Variants in PLEKHM3 observed in about 807,000 individuals in gnomAD.
PLEKHM3 encodes pleckstrin homology domain-containing family M member 3.
A neutral mutation model predicts 81.8 loss-of-function variants in PLEKHM3; 45 were observed. The observed-to-expected ratio is 0.55, with a 90% CI of 0.43 to 0.71. The LOEUF (loss-of-function observed/expected upper bound fraction) is 0.71, where lower values mean the gene tolerates loss of function less well. Ranked by LOEUF, PLEKHM3 falls within the 30% of genes least tolerant of loss-of-function variation. The pLI, the probability that PLEKHM3 is intolerant of heterozygous loss-of-function variation, is 0.00. For synonymous variants in PLEKHM3, 352 were observed against 356.4 expected, an observed-to-expected ratio of 0.99 and a Z score of 0.14; for missense variants, 788 against 924.3, an observed-to-expected ratio of 0.85 and a Z score of 1.91.
rs144815033 is a variant in PLEKHM3, at chr2:207,942,667, G to A, written c.1692+3700C>T. On this transcript the variant is annotated intron_variant, in intron 4 of 7. Coordinates refer to ENST00000427836, the MANE Select transcript of PLEKHM3 (RefSeq NM_001080475.3). ...TGTAATGCCAGCACTTTGGGAGGCC[G>A]AGGAGGGTGGATCACAAGGTCAAGA... 8.8e-3 allele frequency among the ~76,000 whole-genome samples: 1,344 copies of A among 152,240 alleles called. 17 individuals carry two copies. Among genetic ancestry groups the A allele is most frequent in the African/African-American group, 0.031 (1,270 of 41,536 alleles).
At chr2:207,833,148 CCT>C (rs2092298314) in intron 7 of PLEKHM3, among the ~76,000 whole-genome samples, 1 of 151,828 alleles carries the variant, frequency 6.6e-6, no homozygotes, top group East Asian at 1.9e-4. Flanking sequence ...CATTGGCCCC[CCT>C]GAGTACTCAC....
intron 1 of PLEKHM3, among the ~76,000 whole-genome samples, chr2:208,009,233 A>C (rs946595182): frequency 5.9e-5 from 9 of 152,094 alleles, no homozygotes; most frequent in Non-Finnish European, 1.3e-4. Flanking sequence ...ACTGAATGCT[A>C]TTGCTTTTCC....
intron 6 of PLEKHM3, among the ~76,000 whole-genome samples, chr2:207,906,400 G>A (rs1325715492): frequency 6.6e-6 from 1 of 152,136 alleles, no homozygotes; most frequent in African/African-American, 2.4e-5. Context: ...GTGCAAATAG[G>A]TTTCAACTTG....
At chr2:207,836,681 T>C (rs1217823725) in intron 7 of PLEKHM3, among the ~76,000 whole-genome samples, 2 of 152,254 alleles carry the variant, frequency 1.3e-5, no homozygotes, top group Non-Finnish European at 2.9e-5. Flanking sequence ...TTCCAGATTC[T>C]AGCTGCACAC....
chr2:207,998,282 T>C (rs1224832257), intron 2 of PLEKHM3, among the ~76,000 whole-genome samples: 1 of 152,136 alleles, frequency 6.6e-6, no homozygotes, highest in African/African-American at 2.4e-5. Flanking sequence ...GGTGGGAGGA[T>C]TGCTTGAGCC....
At position 207,879,450 on chromosome 2, in the gene PLEKHM3, T is replaced by C. The variant is rs552280215; in HGVS notation, c.1951-18188A>G. Among the ~76,000 whole-genome samples the C allele has an allele frequency of 5.2e-5, 8 of 152,384 alleles. No individual in the cohort carries two copies. In the South Asian group the frequency reaches 1.7e-3, roughly 32 times the overall value. On this transcript the variant is annotated intron_variant, in intron 6 of 7. Transcript: ENST00000427836. ...TCTTGCTTAATTTCTATTCTAGGCC[T>C]TTCCAAGTGCATTCAACCTTTGCAT... is the stretch of plus-strand genomic sequence containing the variant.
At chr2:207,966,845 G>T (rs571945865) in intron 3 of PLEKHM3, among the ~76,000 whole-genome samples, 2 of 152,072 alleles carry the variant, frequency 1.3e-5, no homozygotes, top group East Asian at 3.9e-4. Context: ...GAGCCACCCC[G>T]CACCCAGCCT....
At chr2:208,019,483 G>A (rs1033902485) in intron 1 of PLEKHM3, among the ~76,000 whole-genome samples, 2 of 152,122 alleles carry the variant, frequency 1.3e-5, no homozygotes, top group African/African-American at 4.8e-5. Flanking sequence ...AGTCCTTGAC[G>A]AGGAATCACA....
chr2:207,873,304 T>C (rs760632698), intron 6 of PLEKHM3, among the ~76,000 whole-genome samples: 1 of 152,220 alleles, frequency 6.6e-6, no homozygotes, highest in Non-Finnish European at 1.5e-5. Flanking sequence ...TATTCCCAGC[T>C]ATGTCCCCAG....
chr2:207,935,000 C>T (rs1413133756), intron 4 of PLEKHM3, among the ~76,000 whole-genome samples: 3 of 152,116 alleles, frequency 2.0e-5, no homozygotes, highest in South Asian at 2.1e-4. Context: ...TTGGAGACGA[C>T]ATGGTATTAT....
intron 6 of PLEKHM3, among the ~76,000 whole-genome samples, chr2:207,872,171 G>A (rs1023289700): frequency 6.6e-6 from 1 of 152,154 alleles, no homozygotes; most frequent in Non-Finnish European, 1.5e-5. Context: ...GGCATCTGAG[G>A]TCAGAGTGTA....
At chr2:207,981,357 T>C (rs1691517140) in intron 2 of PLEKHM3, among the ~76,000 whole-genome samples, 2 of 152,138 alleles carry the variant, frequency 1.3e-5, no homozygotes, top group Admixed American at 6.6e-5. Flanking sequence ...GAAGTTTATT[T>C]ATTTGAGACA....
At chr2:207,968,629 G>A (rs1024838970) in intron 3 of PLEKHM3, among the ~76,000 whole-genome samples, 5 of 152,162 alleles carry the variant, frequency 3.3e-5, no homozygotes, top group Admixed American at 1.3e-4. Flanking sequence ...ATATCCCAAG[G>A]TGCCTGTCAG....
chr2:207,873,072 G>C (rs1287003961), intron 6 of PLEKHM3, among the ~76,000 whole-genome samples: 1 of 152,110 alleles, frequency 6.6e-6, no homozygotes, highest in Non-Finnish European at 1.5e-5. Flanking sequence ...ATGAAAGGCT[G>C]AGAGCAAAGA....
Position 208,019,130 on chromosome 2 carries a change from A to G in PLEKHM3, c.-319+6259T>C, listed in dbSNP as rs974074919. ...TCCTGAGCAACATAGTGAGACCCCC[A>G]TCTCTACAAAAAAAAAAAATTTAAA... On this transcript the variant is annotated intron_variant, in intron 1 of 7. Transcript: ENST00000427836. Among the ~76,000 whole-genome samples, 3 of 125,482 alleles carry G rather than the reference A, an allele frequency of 2.4e-5. No individual in the cohort carries two copies. In the East Asian group the frequency reaches 6.5e-4, roughly 27 times the overall value. 82.3% of individuals were successfully genotyped at this position (125,482 alleles called of 152,430 possible).
chr2:208,019,662 T>G (rs1693057298), intron 1 of PLEKHM3: 1 of 152,238 alleles, frequency 6.6e-6, no homozygotes, highest in Non-Finnish European at 1.5e-5. Context: ...CTTCACAAAT[T>G]TGCATGTCAT....
chr2:207,830,271 C>A (rs2092277856), intron 7 of PLEKHM3, among the ~76,000 whole-genome samples: 1 of 152,032 alleles, frequency 6.6e-6, no homozygotes, highest in Admixed American at 6.6e-5. Flanking sequence ...AACCCCTTAC[C>A]CACAATGTGA....
At chr2:207,912,120 A>G (rs1688828872) in intron 5 of PLEKHM3, among the ~76,000 whole-genome samples, 1 of 152,200 alleles carries the variant, frequency 6.6e-6, no homozygotes, top group South Asian at 2.1e-4. Context: ...AATACAACTG[A>G]TGAGCAACAA....
intron 4 of PLEKHM3, among the ~76,000 whole-genome samples, chr2:207,941,291 T>A (rs946750344): frequency 6.6e-6 from 1 of 152,040 alleles, no homozygotes; most frequent in Non-Finnish European, 1.5e-5. Context: ...CATAGACCAA[T>A]GGAACAGAAC....
Sources: allele counts gnomAD v4.1 joint callset (sites outside exome capture counted in the v4.1 genomes callset), GRCh38; gene constraint gnomAD v4.1.1; transcripts MANE v1.5; gene names NCBI Gene and HGNC (gene_info 2026-07-23, HGNC 2026-07-21).